The following ATXN7 variants were observed in gnomAD, a reference collection of about 807,000 sequenced individuals.
ATXN7 encodes the protein ataxin 7.
In ATXN7, 12 loss-of-function variants were observed where a neutral mutation model predicts 70.5. The ratio of observed to expected loss-of-function variants is 0.17; its 90% CI spans 0.11 to 0.28. The LOEUF is 0.28. Among genes scored for constraint, ATXN7 ranks in the 10% least tolerant of loss-of-function variants. The pLI is 1.00. For missense variants in ATXN7, 1,256 were observed against 1,131.7 expected (o/e 1.11, Z -1.58); for synonymous variants, 498 against 448.7 (o/e 1.11, Z -1.39).
intron 5 of ATXN7, among the ~76,000 whole-genome samples, chr3:63,961,764 A>G (rs1297258165): frequency 6.6e-6 from 1 of 152,116 alleles, no homozygotes; most frequent in Non-Finnish European, 1.5e-5. Context: ...ATATATATGA[A>G]TTGTTGATAT....
At chr3:63,984,041 C>T (rs1375531576) in intron 8 of ATXN7, among the ~76,000 whole-genome samples, 1 of 152,072 alleles carries the variant, frequency 6.6e-6, no homozygotes, top group Non-Finnish European at 1.5e-5. Flanking sequence ...CTGTCCCATG[C>T]CCCAGCCAGT....
chr3:63,997,676 C>G (rs1559664368), intron 12 of ATXN7: 2 of 1,552,122 alleles, frequency 1.3e-6, no homozygotes, highest in Non-Finnish European at 8.7e-7. Flanking sequence ...CCCCAGAGCC[C>G]TGACTTAAAA....
At chr3:63,979,071 T>G (rs1334626766) in intron 5 of ATXN7, among the ~76,000 whole-genome samples, 1 of 152,270 alleles carries the variant, frequency 6.6e-6, no homozygotes, top group African/African-American at 2.4e-5. Flanking sequence ...TTTACTTGTT[T>G]CTGATGGTAA....
chr3:63,958,812 A>G (rs965580065), intron 5 of ATXN7, among the ~76,000 whole-genome samples: 1 of 152,218 alleles, frequency 6.6e-6, no homozygotes. Context: ...CTTAGTTTAC[A>G]GATCAAAGTC....
intron 4 of ATXN7, among the ~76,000 whole-genome samples, chr3:63,947,383 G>C (rs1445268727): frequency 6.6e-6 from 1 of 152,106 alleles, no homozygotes; most frequent in Admixed American, 6.5e-5. Context: ...CCAGGAGTTT[G>C]AGACCATTCT....
At chr3:63,878,037 G>A (rs943801136) in intron 1 of ATXN7, among the ~76,000 whole-genome samples, 4 of 152,184 alleles carry the variant, frequency 2.6e-5, no homozygotes, top group Non-Finnish European at 5.9e-5. Flanking sequence ...CATTAGTGCA[G>A]AAAAAAGATT....
At chr3:63,933,314 A>G (rs958090419) in intron 4 of ATXN7, among the ~76,000 whole-genome samples, 5 of 152,096 alleles carry the variant, frequency 3.3e-5, no homozygotes, top group Admixed American at 2.0e-4. Context: ...TCTGTCCTGT[A>G]GAAACTTAGA....
intron 4 of ATXN7, among the ~76,000 whole-genome samples, chr3:63,927,125 C>A (rs1026835033): frequency 1.3e-5 from 2 of 152,128 alleles, no homozygotes; most frequent in East Asian, 1.9e-4. Context: ...AGTAAACATA[C>A]GTGTACGTGT....
At chr3:63,955,815 T>C (rs2106672168) in intron 5 of ATXN7, among the ~76,000 whole-genome samples, 1 of 152,318 alleles carries the variant, frequency 6.6e-6, no homozygotes, top group East Asian at 1.9e-4. Flanking sequence ...TCTGTGACTT[T>C]TATGAACAAA....
At chr3:63,905,056 C>T (rs1014868347) in intron 2 of ATXN7, 1 of 152,032 alleles carries the variant, frequency 6.6e-6, no homozygotes, top group Non-Finnish European at 1.5e-5. Flanking sequence ...TTTCTACATT[C>T]TAGTTCAAGT....
At chr3:63,874,401 A>G (rs1478861510) in intron 1 of ATXN7, among the ~76,000 whole-genome samples, 3 of 152,260 alleles carry the variant, frequency 2.0e-5, no homozygotes, top group Non-Finnish European at 2.9e-5. Flanking sequence ...TGAAGGGGCA[A>G]CTTACATTTA....
intron 1 of ATXN7, among the ~76,000 whole-genome samples, chr3:63,872,516 G>A (rs1702629059): frequency 6.6e-6 from 1 of 152,162 alleles, no homozygotes; most frequent in South Asian, 2.1e-4. Flanking sequence ...TGTTCCAGGA[G>A]GGTGAGAACT....
At chr3:63,961,992 C>G (rs1575955789) in intron 5 of ATXN7, among the ~76,000 whole-genome samples, 1 of 152,274 alleles carries the variant, frequency 6.6e-6, no homozygotes, top group East Asian at 1.9e-4. Flanking sequence ...AAGCTGTGAT[C>G]TTACATATGA....
chr3:63,929,838 A>G (rs1026476813), intron 4 of ATXN7, among the ~76,000 whole-genome samples: 12 of 152,168 alleles, frequency 7.9e-5, no homozygotes, highest in African/African-American at 2.7e-4. Flanking sequence ...CACAAGGCCG[A>G]TGGGAGTTTG....
At chr3:63,955,532 G>A (rs2075025261) in intron 5 of ATXN7, among the ~76,000 whole-genome samples, 1 of 152,200 alleles carries the variant, frequency 6.6e-6, no homozygotes. Flanking sequence ...ACCTTTCCCA[G>A]TGCTGCCACA....
intron 4 of ATXN7, among the ~76,000 whole-genome samples, chr3:63,937,862 A>G (rs1181873311): frequency 6.6e-6 from 1 of 152,130 alleles, no homozygotes; most frequent in African/African-American, 2.4e-5. Context: ...CTCATTTGTA[A>G]ACTGGGGTTA....
At chr3:63,991,834 AG>A (rs2075676572) in intron 11 of ATXN7, among the ~76,000 whole-genome samples, 2 of 151,704 alleles carry the variant, frequency 1.3e-5, no homozygotes, top group African/African-American at 4.8e-5. Context: ...AAAAAAAAAA[AG>A]GTTCTGTTTT....
At chr3:63,945,838 A>G (rs530440902) in intron 4 of ATXN7, among the ~76,000 whole-genome samples, 1 of 152,202 alleles carries the variant, frequency 6.6e-6, no homozygotes, top group African/African-American at 2.4e-5. Flanking sequence ...AAGTAGAGCA[A>G]CAAGCCAGGT....
chr3:63,884,368 CTAAAAAACATAGTATTA>C (rs1314686344), intron 1 of ATXN7, among the ~76,000 whole-genome samples: 1 of 150,932 alleles, frequency 6.6e-6, no homozygotes, highest in Non-Finnish European at 1.5e-5. Context: ...ATTTGAGCAG[CTAAAAAACATAGTATTA>C]GATTGTAACC....
Sources: gnomAD v4.1 joint callset for allele counts (sites outside exome capture counted in the v4.1 genomes callset) on GRCh38, gnomAD v4.1.1 for gene constraint, MANE v1.5 for transcripts, NCBI Gene and HGNC (gene_info 2026-07-23, HGNC 2026-07-21) for gene names.